The following SREBF2 variants were observed in gnomAD, a reference collection of about 807,000 sequenced individuals.
SREBF2 encodes the protein sterol regulatory element binding transcription factor 2, also known as sterol regulatory element-binding protein 2.
In SREBF2, 55 loss-of-function variants were observed where a neutral mutation model predicts 113.1. The observed-to-expected ratio is 0.49, with a 90% confidence interval of 0.39 to 0.61. SREBF2 has a LOEUF of 0.61. SREBF2 is among the 20% of genes least tolerant of loss of function. SREBF2 has a pLI of 0.00. For synonymous variants in SREBF2, 593 were observed against 605.7 expected (o/e 0.98, Z 0.31); for missense variants, 1,349 against 1,487.4 (o/e 0.91, Z 1.53).
In SREBF2 at chr22:41,833,531, C is replaced by G. The variant is rs535589112; in HGVS notation, c.88+173C>G. 4.0e-3 allele frequency: 2,057 copies of G among 515,380 alleles called. 25 individuals are homozygous for G. The highest frequency in any genetic ancestry group is 0.037 in the African/African-American group (1,811 of 49,148). 31.9% of individuals were successfully genotyped at this position (515,380 alleles called of 1,614,324 possible). A position where few individuals can be genotyped will look rare whatever the true frequency, so the allele number is the denominator to read the frequency against. Reference sequence around the variant, plus strand: ...CCCTTCCGGCGCTGCGAGCGTGAGCCCGACCCAGCTGCGCCGCTCCGGGAG... The same window carrying G: ...CCCTTCCGGCGCTGCGAGCGTGAGCGCGACCCAGCTGCGCCGCTCCGGGAG... On this transcript the variant is annotated intron_variant, in intron 1 of 18. Coordinates refer to ENST00000361204, the MANE Select transcript of SREBF2 (RefSeq NM_004599.4). The surrounding 1 kb of genome is among the most constrained non-coding windows in gnomAD (Gnocchi z 4.1).
chr22:41,884,368 C>G (rs1360212794), intron 10 of SREBF2, among the ~76,000 whole-genome samples: 2 of 152,226 alleles, frequency 1.3e-5, no homozygotes, highest in African/African-American at 4.8e-5. Context: ...AACTCCTGAT[C>G]TTAAGTGATC....
At chr22:41,878,200 C>G in intron 9 of SREBF2, 77 bp downstream of exon 9, 1 of 1,579,820 alleles carries the variant, frequency 6.3e-7, no homozygotes, top group Non-Finnish European at 8.6e-7. Context: ...AAAGAAAGTC[C>G]TATGATAGAT....
chr22:41,900,921 G>C (rs770499293), intron 16 of SREBF2: 3 of 537,502 alleles, frequency 5.6e-6, no homozygotes, highest in Admixed American at 2.0e-5. Flanking sequence ...TCCTTGGCTG[G>C]CCGCATACCT....
At chr22:41,879,414 G>T (rs2077225739) in intron 9 of SREBF2, among the ~76,000 whole-genome samples, 1 of 152,198 alleles carries the variant, frequency 6.6e-6, no homozygotes, top group South Asian at 2.1e-4. Context: ...ACTGAGCAGG[G>T]GCGGGGCCAG....
chr22:41,873,748 A>T (rs1342559802), intron 4 of SREBF2, 50 bp from the exon 5 acceptor site: 1 of 1,546,904 alleles, frequency 6.5e-7, no homozygotes, highest in East Asian at 2.4e-5. Flanking sequence ...AGGTTGCTTT[A>T]TGCAGACTAA....
intron 1 of SREBF2, among the ~76,000 whole-genome samples, chr22:41,858,517 A>AGG (rs34424722): frequency 0.11 from 16,465 of 152,130 alleles, 1,535 homozygotes; most frequent in African/African-American, 0.26. Context: ...CTAAGGTGGG[A>AGG]GGATCGCATG....
chr22:41,839,956 CTTTTTTT>C (rs10588397), intron 1 of SREBF2, among the ~76,000 whole-genome samples: 3 of 117,594 alleles, frequency 2.6e-5, no homozygotes, highest in African/African-American at 3.5e-5. Context: ...TGCTTAGTTT[CTTTTTTT>C]TTTTTTTTTT....
At chr22:41,849,498 C>A (rs951067367) in intron 1 of SREBF2, among the ~76,000 whole-genome samples, 1 of 152,172 alleles carries the variant, frequency 6.6e-6, no homozygotes, top group African/African-American at 2.4e-5. Flanking sequence ...CCCGCCCCAA[C>A]AGATGTTTTT....
chr22:41,881,452 G>C (rs1483672616), intron 10 of SREBF2, among the ~76,000 whole-genome samples: 1 of 152,222 alleles, frequency 6.6e-6, no homozygotes, highest in East Asian at 1.9e-4. Flanking sequence ...TTCGTTGGGA[G>C]GGAGTGGGTA....
chr22:41,855,199 AAG>A (rs2076966854), intron 1 of SREBF2, among the ~76,000 whole-genome samples: 2 of 152,096 alleles, frequency 1.3e-5, no homozygotes, highest in Admixed American at 6.6e-5. Context: ...ACATAGAAAA[AAG>A]AATGCAGGAA....
rs1288516651 is a variant in SREBF2, at chr22:41,870,275, G to T, written c.721-614G>T. Among the ~76,000 whole-genome samples the T allele has an allele frequency of 2.6e-5, 4 of 152,174 alleles. No individual in the cohort carries two copies. In the East Asian group the frequency reaches 7.7e-4, roughly 29 times the overall value. On this transcript the variant is annotated intron_variant, in intron 3 of 18. Coordinates refer to ENST00000361204, the MANE Select transcript of SREBF2 (RefSeq NM_004599.4). Reference sequence around the variant, plus strand: ...TCTGCCATCCACCCTACCCATCTCTGCTCTGCTCCTGCTGGGCCACTGGCA... The same window carrying T: ...TCTGCCATCCACCCTACCCATCTCTTCTCTGCTCCTGCTGGGCCACTGGCA...
At chr22:41,894,782 GAGC>G in intron 12 of SREBF2, 35 bp from the exon 13 acceptor site, 1 of 1,570,206 alleles carries the variant, frequency 6.4e-7, no homozygotes, top group Non-Finnish European at 8.8e-7. Context: ...GCTCATAAAT[GAGC>G]TCCATTTAAC....
chr22:41,866,439 A>T (rs1253892664), intron 1 of SREBF2, among the ~76,000 whole-genome samples: 1 of 152,170 alleles, frequency 6.6e-6, no homozygotes, highest in Non-Finnish European at 1.5e-5. Context: ...AGTCCCAGCT[A>T]CTCAGGAGGC....
intron 11 of SREBF2, 150 bp downstream of exon 11, chr22:41,885,161 C>T: frequency 1.0e-6 from 1 of 978,990 alleles, no homozygotes; most frequent in Non-Finnish European, 1.6e-6. Flanking sequence ...GCTCATTTCA[C>T]CAGGACTCCC....
At chr22:41,840,909 A>G (rs2076824943) in intron 1 of SREBF2, among the ~76,000 whole-genome samples, 1 of 152,212 alleles carries the variant, frequency 6.6e-6, no homozygotes, top group Non-Finnish European at 1.5e-5. Flanking sequence ...AGGAACTTCC[A>G]GTACCTGAGC....
Position 41,905,705 on chromosome 22 carries a change from CT to C in SREBF2, c.*46del. 6.5e-7 allele frequency: 1 copy of C among 1,527,038 alleles called. No homozygotes were observed. The highest frequency in any genetic ancestry group is 1.2e-5 in the South Asian group (1 of 83,546). The allele number at this position is 1,527,038 out of a possible 1,614,324, so 94.6% of individuals were successfully genotyped here. Reference sequence around the variant, plus strand: ...CCTCCACCTCTCTCTCGATTTCTCTCTCTCCCCCTCAGCATCTTCCCGCTGA... The same window carrying C: ...CCTCCACCTCTCTCTCGATTTCTCTCCTCCCCCTCAGCATCTTCCCGCTGA... On this transcript the variant is annotated 3_prime_UTR_variant, in exon 19 of 19. Coordinates refer to ENST00000361204, the MANE Select transcript of SREBF2 (RefSeq NM_004599.4).
chr22:41,855,824 G>A (rs186330982), intron 1 of SREBF2, among the ~76,000 whole-genome samples: 7 of 150,338 alleles, frequency 4.7e-5, no homozygotes, highest in Non-Finnish European at 7.4e-5. Flanking sequence ...TGGTACAGTC[G>A]TGGCTCACTG....
chr22:41,894,215 C>T lies in SREBF2; in HGVS notation c.2378-605C>T, dbSNP rs573937595. Among the ~76,000 whole-genome samples, 16 of 152,170 alleles carry T rather than the reference C, an allele frequency of 1.1e-4. No homozygotes were observed. In the South Asian group the frequency reaches 2.5e-3, roughly 24 times the overall value. The stretch of plus-strand genomic sequence containing the variant: ...GTGTCCCTCCTCCTGGTCATTAGAT[C>T]GAGGCCCACATATCTGCCACATGTG... On this transcript the variant is annotated intron_variant, in intron 12 of 18. Transcript: ENST00000361204.
rs2148396284 is a variant in SREBF2 at position 41,880,745 on chromosome 22, A to G, written c.1791A>G (p.Leu597=). The G allele has an allele frequency of 3.1e-6, 5 of 1,614,140 alleles. No homozygotes were observed. In the South Asian group the frequency reaches 3.3e-5, roughly 11 times the overall value. The change falls in exon 10 of 19, where the codon CTA becomes CTG. Residue 597 remains leucine, a synonymous_variant. Coordinates refer to ENST00000361204, the MANE Select transcript of SREBF2 (RefSeq NM_004599.4). ...ATTTTGCAGCTGCTGCCGGCAACCTACAAACCTGCCTGGCAGTTTTGGGCC... is the reference window on the plus strand; with the variant it reads ...ATTTTGCAGCTGCTGCCGGCAACCTGCAAACCTGCCTGGCAGTTTTGGGCC... ...RGDFAAAAGN[L]QTCLAVLGRA... is the part of the protein sequence containing the mutation.
Sources: gnomAD v4.1 joint callset for allele counts (sites outside exome capture counted in the v4.1 genomes callset) on GRCh38, gnomAD v4.1.1 for gene constraint, Gnocchi (gnomAD v3.1) non-coding constraint, MANE v1.5 for transcripts, NCBI Gene and HGNC (gene_info 2026-07-23, HGNC 2026-07-21) for gene names.